SLC35G2: variants seen among roughly 807,000 people sequenced by gnomAD.
SLC35G2 encodes transmembrane protein 22.
In SLC35G2, 20 loss-of-function variants were observed where a neutral mutation model predicts 27.2. The ratio of observed to expected loss-of-function variants is 0.74; its 90% CI spans 0.52 to 1.07. The LOEUF (loss-of-function observed/expected upper bound fraction) is 1.07. Among genes scored for constraint, SLC35G2 ranks in the 50% least tolerant of loss-of-function variants. The pLI is 0.00. For missense variants in SLC35G2, 416 were observed against 493.3 expected (o/e 0.84, Z 1.48); for synonymous variants, 148 against 165.3 (o/e 0.90, Z 0.80).
At chr3:136,835,914 C>CT (rs1264739618) in intron 1 of SLC35G2, among the ~76,000 whole-genome samples, 1 of 152,108 alleles carries the variant, frequency 6.6e-6, no homozygotes, top group Non-Finnish European at 1.5e-5. Flanking sequence ...TCTGAGAGTA[C>CT]TTTTTTGGGG....
Position 136,855,161 on chromosome 3 carries a change from G to A in SLC35G2, c.701G>A (p.Cys234Tyr). 6.2e-7 allele frequency: 1 copy of A among 1,614,112 alleles called. No individual in the cohort carries two copies. ...GTTGTTTGCAGCATCTTAGGTGTTT[G>A]TCTTGTCATGATCCCAAACATTGTT... is the stretch of plus-strand genomic sequence containing the variant. ...ATVVCSILGV[C>Y]LVMIPNIVDE... The change falls in exon 2 of 2, where the codon TGT becomes TAT. Residue 234 changes from cysteine to tyrosine, a missense_variant. By Grantham distance (194) the Cys-to-Tyr change is radical. Transcript: ENST00000446465.
At chr3:136,833,023 C>T (rs553746604) in intron 1 of SLC35G2, among the ~76,000 whole-genome samples, 22 of 147,712 alleles carry the variant, frequency 1.5e-4, no homozygotes, top group South Asian at 4.3e-4. Context: ...GAGCTGAGAT[C>T]GCGCCACTGC....
intron 1 of SLC35G2, among the ~76,000 whole-genome samples, chr3:136,832,377 C>T (rs1255029362): frequency 6.6e-6 from 1 of 152,106 alleles, no homozygotes; most frequent in Non-Finnish European, 1.5e-5. Flanking sequence ...TCCTTTTTAC[C>T]AATTCTTATG....
At chr3:136,831,036 A>G (rs1325901978) in intron 1 of SLC35G2, among the ~76,000 whole-genome samples, 1 of 152,178 alleles carries the variant, frequency 6.6e-6, no homozygotes, top group Non-Finnish European at 1.5e-5. Flanking sequence ...GAACTCTTTT[A>G]CTTTAGGAAC....
At chr3:136,823,610 G>A (rs1936511850) in intron 1 of SLC35G2, among the ~76,000 whole-genome samples, 1 of 151,578 alleles carries the variant, frequency 6.6e-6, no homozygotes, top group Non-Finnish European at 1.5e-5. Context: ...TTTTTGAGAT[G>A]GAGTCTCCCT....
chr3:136,819,214 G>A lies in SLC35G2; in HGVS notation c.-433G>A, dbSNP rs1936378646. 1 of 152,234 alleles carries A rather than the reference G, an allele frequency of 6.6e-6. No homozygotes were observed. 9.4% of individuals were successfully genotyped at this position (152,234 alleles called of 1,614,324 possible). A position where few individuals can be genotyped will look rare whatever the true frequency, so the allele number is the denominator to read the frequency against. On this transcript the variant is annotated 5_prime_UTR_variant, in exon 1 of 2. Transcript: ENST00000446465. ...GGCACCTTCCTCGCCACGACACGCAGGTAACCGGGCCCCGGGAGCCGGTCG... is the reference window on the plus strand; with the variant it reads ...GGCACCTTCCTCGCCACGACACGCAAGTAACCGGGCCCCGGGAGCCGGTCG...
chr3:136,847,234 C>T (rs1179441908), intron 1 of SLC35G2, among the ~76,000 whole-genome samples: 1 of 151,618 alleles, frequency 6.6e-6, no homozygotes, highest in Non-Finnish European at 1.5e-5. Flanking sequence ...TTCCTGGGGC[C>T]ACGTGAATAC....
At chr3:136,827,254 G>T in intron 1 of SLC35G2, among the ~76,000 whole-genome samples, 1 of 148,996 alleles carries the variant, frequency 6.7e-6, no homozygotes, top group African/African-American at 2.5e-5. Context: ...GCTCTGTCAT[G>T]CAGGCCGGAG....
At position 136,835,693 on chromosome 3, in the gene SLC35G2, T is replaced by G. The variant is rs1159883058; in HGVS notation, c.-19+16065T>G. Among the ~76,000 whole-genome samples, 3 of 152,342 alleles carry G rather than the reference T, an allele frequency of 2.0e-5. No homozygotes were observed. In the East Asian group the frequency reaches 5.8e-4, roughly 29 times the overall value. ...TCTAATTACAATATTTGTTTTCCAT[T>G]TACTAGTTGGGATTCTATTGTACAG... On this transcript the variant is annotated intron_variant, in intron 1 of 1. Transcript: ENST00000446465.
chr3:136,841,328 A>T (rs1047683972), intron 1 of SLC35G2, among the ~76,000 whole-genome samples: 9 of 152,088 alleles, frequency 5.9e-5, no homozygotes, highest in Admixed American at 6.5e-5. Flanking sequence ...CTCAAAGTAA[A>T]TTTTTTTCTC....
At chr3:136,822,718 A>T (rs961886119) in intron 1 of SLC35G2, among the ~76,000 whole-genome samples, 2 of 152,254 alleles carry the variant, frequency 1.3e-5, no homozygotes, top group Non-Finnish European at 2.9e-5. Flanking sequence ...TTCACTTAAC[A>T]TGATGACTTT....
At chr3:136,828,195 G>A (rs181105578) in intron 1 of SLC35G2, among the ~76,000 whole-genome samples, 1 of 152,348 alleles carries the variant, frequency 6.6e-6, no homozygotes, top group Non-Finnish European at 1.5e-5. Context: ...TCCATGTGAT[G>A]AGAAGAATAT....
At chr3:136,830,930 T>C (rs1936715478) in intron 1 of SLC35G2, among the ~76,000 whole-genome samples, 1 of 152,218 alleles carries the variant, frequency 6.6e-6, no homozygotes, top group African/African-American at 2.4e-5. Context: ...CCTGCCATCT[T>C]TACTAAATTT....
In SLC35G2 at chr3:136,819,588, C is replaced by T. The variant is rs1299822374; in HGVS notation, c.-59C>T. The T allele has an allele frequency of 6.6e-6, 1 of 152,260 alleles. No individual in the cohort carries two copies. The highest frequency in any genetic ancestry group is 1.5e-5 in the Non-Finnish European group (1 of 68,074). The allele number at this position is 152,260 out of a possible 1,614,324, so 9.4% of individuals were successfully genotyped here. On this transcript the variant is annotated 5_prime_UTR_variant, in exon 1 of 2. Transcript: ENST00000446465. ...CAGCGTCCATGATGAAGGCCAGGGG[C>T]TGTTGCTTTCCTCTCGCCCAGTAGC...
intron 1 of SLC35G2, chr3:136,842,373 T>C (rs2108015851): frequency 6.6e-6 from 1 of 152,332 alleles, no homozygotes; most frequent in Admixed American, 6.5e-5. Context: ...TTCAATGATG[T>C]AGCTCAAAAT....
At chr3:136,840,923 CTTTTT>C (rs71626030) in intron 1 of SLC35G2, among the ~76,000 whole-genome samples, 9 of 121,526 alleles carry the variant, frequency 7.4e-5, no homozygotes, top group South Asian at 2.7e-4. Flanking sequence ...GTGCCTGGCC[CTTTTT>C]TTTTTTTTTT....
intron 1 of SLC35G2, among the ~76,000 whole-genome samples, chr3:136,825,355 T>G (rs183313391): frequency 1.3e-5 from 2 of 151,560 alleles, no homozygotes; most frequent in Admixed American, 1.3e-4. Context: ...ATTCTCATGC[T>G]TCAGCCTCCC....
At chr3:136,850,654 CTTTGTA>C (rs1350452410) in intron 1 of SLC35G2, among the ~76,000 whole-genome samples, 2 of 151,716 alleles carry the variant, frequency 1.3e-5, no homozygotes, top group Non-Finnish European at 2.9e-5. Flanking sequence ...CATGATATAA[CTTTGTA>C]TTTGTATCCA....
intron 1 of SLC35G2, among the ~76,000 whole-genome samples, chr3:136,851,348 T>C (rs935812662): frequency 2.0e-5 from 3 of 151,276 alleles, no homozygotes; most frequent in African/African-American, 7.3e-5. Flanking sequence ...ATACAAAAAA[T>C]TAGCCGGGCG....
Sources: allele counts gnomAD v4.1 joint callset (sites outside exome capture counted in the v4.1 genomes callset), GRCh38; gene constraint gnomAD v4.1.1; transcripts MANE v1.5; gene names NCBI Gene and HGNC (gene_info 2026-07-23, HGNC 2026-07-21).